ADGRV1: variants seen among roughly 807,000 people sequenced by gnomAD.
ADGRV1 encodes adhesion G protein-coupled receptor V1.
Under a neutral mutation model 596.2 loss-of-function variants are expected in ADGRV1, and 359 were observed. That is an observed-to-expected ratio of 0.60 (90% CI 0.55 to 0.66). ADGRV1 has a LOEUF of 0.66. Among genes scored for constraint, ADGRV1 ranks in the 30% least tolerant of loss-of-function variants. The probability of loss-of-function intolerance (pLI) is 0.00; values close to 1 mark genes in which losing one functional copy is unlikely to be tolerated. For synonymous variants in ADGRV1, 2,681 were observed against 2,679.2 expected (o/e 1.00, Z -0.02); for missense variants, 7,274 against 7,575.6 (o/e 0.96, Z 1.48).
At chr5:90,948,006 C>T (rs1461223653) in intron 83 of ADGRV1, among the ~76,000 whole-genome samples, 1 of 152,106 alleles carries the variant, frequency 6.6e-6, no homozygotes, top group Non-Finnish European at 1.5e-5. Context: ...AGAACTCAGA[C>T]ATTCATATCC....
chr5:90,598,923 A>C (rs1375501299), intron 1 of ADGRV1, among the ~76,000 whole-genome samples: 1 of 152,222 alleles, frequency 6.6e-6, no homozygotes, highest in African/African-American at 2.4e-5. Flanking sequence ...AAATCTATCA[A>C]TCTAACCCTA....
chr5:90,613,624 C>T (rs1346792793), intron 1 of ADGRV1, among the ~76,000 whole-genome samples: 2 of 152,064 alleles, frequency 1.3e-5, no homozygotes, highest in Non-Finnish European at 2.9e-5. Flanking sequence ...CATCTCTGTC[C>T]CTGTTAGCTT....
chr5:91,088,967 T>A (rs1254586004), intron 86 of ADGRV1, among the ~76,000 whole-genome samples: 1 of 152,096 alleles, frequency 6.6e-6, no homozygotes. Flanking sequence ...GGAATTGCCT[T>A]TTTTTTCTGA....
At chr5:91,148,712 C>T (rs902703857) in intron 87 of ADGRV1, among the ~76,000 whole-genome samples, 1 of 152,116 alleles carries the variant, frequency 6.6e-6, no homozygotes, top group Non-Finnish European at 1.5e-5. Context: ...ATCTTCTAGA[C>T]CCCAGAATGG....
chr5:90,586,191 C>G (rs552473626), intron 1 of ADGRV1, among the ~76,000 whole-genome samples: 1 of 152,118 alleles, frequency 6.6e-6, no homozygotes, highest in South Asian at 2.1e-4. Flanking sequence ...TTAGAATTAG[C>G]AATTATCAAG....
chr5:90,590,210 C>G (rs777915406), intron 1 of ADGRV1, among the ~76,000 whole-genome samples: 1 of 152,154 alleles, frequency 6.6e-6, no homozygotes, highest in Non-Finnish European at 1.5e-5. Context: ...AAGCCATGTC[C>G]AAACTTAGTG....
rs1768002261 is a variant in ADGRV1, at chr5:90,647,741, A to G, written c.3266A>G (p.Tyr1089Cys). Residue 1089 changes from tyrosine (Y) to cysteine (C), a missense_variant, in exon 17 of 90, where the codon TAT becomes TGT. Around this residue, in one of 5 missense-constraint regions of ADGRV1, gnomAD observed 1,715 missense variants for 1,708.8 expected, o/e 1.00. Coordinates refer to ENST00000405460, the MANE Select transcript of ADGRV1 (RefSeq NM_032119.4). The part of the protein sequence containing the change: ...DGIPETDEPF[Y>C]IILLNSTGDT... ...ATCCCGGAAACAGATGAGCCCTTTTATATAATCCTCTTGAATTCAACAGGT... is the reference window on the plus strand; with the variant it reads ...ATCCCGGAAACAGATGAGCCCTTTTGTATAATCCTCTTGAATTCAACAGGT... 1.2e-6 allele frequency: 2 copies of G among 1,613,166 alleles called. No individual in the cohort carries two copies. Among genetic ancestry groups the G allele is most frequent in the African/African-American group, 2.7e-5 (2 of 74,888 alleles).
chr5:90,637,125 T>C (rs1238505195), intron 10 of ADGRV1, among the ~76,000 whole-genome samples: 2 of 152,164 alleles, frequency 1.3e-5, no homozygotes, highest in African/African-American at 4.8e-5. Context: ...TAGGGAATCA[T>C]TAGCTTTATT....
intron 85 of ADGRV1, among the ~76,000 whole-genome samples, chr5:91,020,826 C>G (rs10038122): frequency 9.2e-5 from 14 of 151,824 alleles, no homozygotes; most frequent in African/African-American, 3.4e-4. Context: ...ACCACTGCTT[C>G]GACATCTAAA....
chr5:90,932,749 A>G (rs1775359042), intron 83 of ADGRV1, among the ~76,000 whole-genome samples: 1 of 152,184 alleles, frequency 6.6e-6, no homozygotes, highest in Admixed American at 6.5e-5. Flanking sequence ...TGTCAGAAAA[A>G]GCTTTCAGAT....
chr5:90,948,403 C>T (rs1453571285), intron 83 of ADGRV1, among the ~76,000 whole-genome samples: 4 of 152,002 alleles, frequency 2.6e-5, no homozygotes, highest in African/African-American at 9.7e-5. Flanking sequence ...ATGTTGTATA[C>T]CACAATGATA....
intron 83 of ADGRV1, among the ~76,000 whole-genome samples, chr5:90,936,351 C>T (rs989748580): frequency 1.3e-5 from 2 of 152,042 alleles, no homozygotes; most frequent in Non-Finnish European, 2.9e-5. Context: ...ATATATCTAT[C>T]TATTACTTTC....
At chr5:90,585,628 G>T (rs498491) in intron 1 of ADGRV1, among the ~76,000 whole-genome samples, 37,751 of 152,126 alleles carry the variant, frequency 0.25, 5,463 homozygotes, top group Non-Finnish European at 0.33. Context: ...TCAGGGGAAG[G>T]GGAGCCCAGG....
intron 87 of ADGRV1, among the ~76,000 whole-genome samples, chr5:91,132,107 T>C (rs1393514933): frequency 6.6e-6 from 1 of 152,212 alleles, no homozygotes; most frequent in Non-Finnish European, 1.5e-5. Context: ...TGATTGTAGG[T>C]GTGCAACTTT....
intron 83 of ADGRV1, among the ~76,000 whole-genome samples, chr5:90,939,182 A>C (rs1561972670): frequency 6.6e-6 from 1 of 152,246 alleles, no homozygotes; most frequent in Admixed American, 6.5e-5. Flanking sequence ...TTGTCAGTTT[A>C]AACCTCAAAG....
intron 75 of ADGRV1, among the ~76,000 whole-genome samples, chr5:90,816,256 A>C (rs919817513): frequency 6.6e-6 from 1 of 152,122 alleles, no homozygotes; most frequent in African/African-American, 2.4e-5. Flanking sequence ...TCTTTAGAAA[A>C]ATCCTTTTTA....
rs761184681 is a variant in ADGRV1, at chr5:90,679,566, G to C, written c.5461G>C (p.Val1821Leu). The part of the protein sequence containing the change: ...LEGGVAELFR[V>L]DGSGSGDGDM... Reference sequence around the variant, plus strand: ...TTGTGAAGTAGCTGAACTCTTTAGGGTTGATGGAAGTGGTAGTGGTGATGG... The same window carrying C: ...TTGTGAAGTAGCTGAACTCTTTAGGCTTGATGGAAGTGGTAGTGGTGATGG... The change falls in exon 26 of 90, where the codon GTT becomes CTT. Residue 1821 changes from valine (V) to leucine (L), a missense_variant. Transcript: ENST00000405460. 2 of 1,613,438 alleles carry C rather than the reference G, an allele frequency of 1.2e-6. No homozygotes were observed. Among genetic ancestry groups the C allele is most frequent in the Non-Finnish European group, 1.7e-6 (2 of 1,179,518 alleles).
At chr5:90,863,407 A>G (rs1364377686) in intron 82 of ADGRV1, among the ~76,000 whole-genome samples, 3 of 152,212 alleles carry the variant, frequency 2.0e-5, no homozygotes. Flanking sequence ...CCAGTATTGC[A>G]AAGTTGCCTT....
intron 78 of ADGRV1, among the ~76,000 whole-genome samples, chr5:90,847,511 T>C (rs1302916139): frequency 1.3e-5 from 2 of 152,234 alleles, no homozygotes; most frequent in Admixed American, 6.5e-5. Context: ...CTGCGCTGTG[T>C]GCCCACACTC....
Sources: allele counts gnomAD v4.1 joint callset (sites outside exome capture counted in the v4.1 genomes callset), GRCh38; gene constraint gnomAD v4.1.1; regional missense constraint gnomAD v4.1.1; transcripts MANE v1.5; gene names NCBI Gene and HGNC (gene_info 2026-07-23, HGNC 2026-07-21).